Variants in RSU1 observed in about 807,000 individuals in gnomAD.
The protein encoded by RSU1 is rsu-1.
In RSU1, 26 loss-of-function variants were observed where a neutral mutation model predicts 31.1. The ratio of observed to expected loss-of-function variants is 0.84; its 90% CI spans 0.61 to 1.16. RSU1 has a LOEUF of 1.16. Among genes scored for constraint, RSU1 ranks in the 50% most tolerant of loss-of-function variants. The pLI is 0.00. For synonymous variants in RSU1, 164 were observed against 136.3 expected, an observed-to-expected ratio of 1.20 and a Z score of -1.41; for missense variants, 320 against 339.1, an observed-to-expected ratio of 0.94 and a Z score of 0.44.
chr10:16,631,419 C>T (rs867193372), intron 8 of RSU1, among the ~76,000 whole-genome samples: 6 of 152,258 alleles, frequency 3.9e-5, no homozygotes, highest in Admixed American at 6.5e-5. Context: ...ATCAGAACCT[C>T]GGCTGTGTGT....
chr10:16,778,087 C>A (rs530698837), intron 3 of RSU1, among the ~76,000 whole-genome samples: 1 of 140,042 alleles, frequency 7.1e-6, no homozygotes, highest in African/African-American at 2.7e-5. Flanking sequence ...GTAGTACAAT[C>A]ACAGCTCACT....
chr10:16,704,549 G>A (rs1385867620), intron 7 of RSU1, among the ~76,000 whole-genome samples: 1 of 152,136 alleles, frequency 6.6e-6, no homozygotes, highest in East Asian at 1.9e-4. Flanking sequence ...AATATTGTTG[G>A]TATAATCAAT....
chr10:16,672,152 A>T lies in RSU1; in HGVS notation c.731+22871T>A, dbSNP rs1370877095. 1.1e-3 allele frequency among the ~76,000 whole-genome samples: 171 copies of T among 150,870 alleles called. 1 individual carries two copies. The highest frequency in any genetic ancestry group is 3.8e-3 in the African/African-American group (157 of 41,256). ...TCTCTACTAAAAATACAAAAAAAAA[A>T]AAAAAAAATTAGCCAGGCGTGGTGG... On this transcript the variant is annotated intron_variant, in intron 8 of 8. Transcript: ENST00000345264.
intron 2 of RSU1, among the ~76,000 whole-genome samples, chr10:16,799,761 A>G (rs899215607): frequency 6.6e-6 from 1 of 152,204 alleles, no homozygotes; most frequent in African/African-American, 2.4e-5. Flanking sequence ...GATTTACCAG[A>G]GCCTGACCAA....
At chr10:16,795,672 C>A (rs191597061) in intron 2 of RSU1, among the ~76,000 whole-genome samples, 1 of 152,140 alleles carries the variant, frequency 6.6e-6, no homozygotes, top group Non-Finnish European at 1.5e-5. Flanking sequence ...AATATGCCAC[C>A]GGTTGCATCC....
rs528828419 is a variant in RSU1 at position 16,807,441 on chromosome 10, A to C, written c.109+9532T>G. ...CCCCAACACAATCTTTTCCAGCCCC[A>C]TACTTTGTAGTGTTTTAAGCTAATG... is the stretch of plus-strand genomic sequence containing the variant. On this transcript the variant is annotated intron_variant, in intron 2 of 8. Coordinates refer to ENST00000345264, the MANE Select transcript of RSU1 (RefSeq NM_012425.4). 1.2e-4 allele frequency among the ~76,000 whole-genome samples: 19 copies of C among 152,308 alleles called. No individual in the cohort carries two copies. The South Asian group carries it at 3.7e-3, about 30-fold the overall frequency.
At chr10:16,781,494 C>T (rs3780970) in intron 3 of RSU1, among the ~76,000 whole-genome samples, 60,555 of 152,036 alleles carry the variant, frequency 0.4, 15,087 homozygotes, top group African/African-American at 0.72. Flanking sequence ...CTTTCCCTTT[C>T]GAGGAGGAAA....
intron 2 of RSU1, among the ~76,000 whole-genome samples, chr10:16,785,883 G>C (rs535858661): frequency 2.0e-5 from 3 of 152,220 alleles, no homozygotes; most frequent in South Asian, 4.1e-4. Flanking sequence ...AGGAGGACGG[G>C]TACTTTGACA....
intron 8 of RSU1, among the ~76,000 whole-genome samples, chr10:16,682,558 ACACACACACACACATG>A (rs1470931748): frequency 2.1e-4 from 31 of 148,368 alleles, no homozygotes; most frequent in African/African-American, 5.0e-4. Context: ...ACACACACAC[ACACACACACACACATG>A]CATGCATGTT....
At position 16,596,033 on chromosome 10, in the gene RSU1, C is replaced by T. The variant is rs563420239; in HGVS notation, c.732-2537G>A. Among the ~76,000 whole-genome samples, 4 of 152,196 alleles carry T rather than the reference C, an allele frequency of 2.6e-5. No homozygotes were observed. In the South Asian group the frequency reaches 8.3e-4, roughly 32 times the overall value. ...CCTATAGGGGCTCCCCCAACCTACACTTTTAAAAGGGTCACGGGTCCCCCT... is the reference window on the plus strand; with the variant it reads ...CCTATAGGGGCTCCCCCAACCTACATTTTTAAAAGGGTCACGGGTCCCCCT... On this transcript the variant is annotated intron_variant, in intron 8 of 8. Transcript: ENST00000345264.
chr10:16,685,164 C>T (rs1036764867), intron 8 of RSU1, among the ~76,000 whole-genome samples: 22 of 152,166 alleles, frequency 1.4e-4, no homozygotes, highest in African/African-American at 4.6e-4. Context: ...GCAAGAGAAT[C>T]GCTTGAACCT....
intron 7 of RSU1, among the ~76,000 whole-genome samples, chr10:16,733,678 T>A (rs748324649): frequency 6.6e-6 from 1 of 152,176 alleles, no homozygotes; most frequent in African/African-American, 2.4e-5. Flanking sequence ...CAAAAATTTT[T>A]GTGAAAGAAG....
chr10:16,624,007 G>A (rs1348844785), intron 8 of RSU1, among the ~76,000 whole-genome samples: 1 of 152,012 alleles, frequency 6.6e-6, no homozygotes, highest in Non-Finnish European at 1.5e-5. Flanking sequence ...ACCCAGTTCT[G>A]CTTCTCAGTC....
intron 3 of RSU1, among the ~76,000 whole-genome samples, chr10:16,777,951 A>C (rs1238395892): frequency 6.6e-6 from 1 of 151,434 alleles, no homozygotes; most frequent in Admixed American, 6.6e-5. Context: ...ATCACAGCCC[A>C]TCATTCCTTG....
intron 8 of RSU1, among the ~76,000 whole-genome samples, chr10:16,633,149 C>A (rs1423309002): frequency 6.6e-6 from 1 of 152,040 alleles, no homozygotes; most frequent in Admixed American, 6.5e-5. Flanking sequence ...TCAATAGCAC[C>A]CCCACACCAG....
At chr10:16,749,033 T>C in intron 7 of RSU1, among the ~76,000 whole-genome samples, 1 of 152,124 alleles carries the variant, frequency 6.6e-6, no homozygotes, top group Non-Finnish European at 1.5e-5. Context: ...AAGTGACTCT[T>C]ACTTTACCGG....
In RSU1 at chr10:16,817,091, C is replaced by G; in HGVS notation, c.-3-7G>C. ...TCAGAGACTTGGACATGGTCTGCAC[C>G]GAACAACAACAAAGCACGTGGGCGA... is the stretch of plus-strand genomic sequence containing the variant. On this transcript the variant is annotated splice_polypyrimidine_tract_variant and splice_region_variant and intron_variant, in intron 1 of 8. Transcript: ENST00000345264. 1 of 1,593,396 alleles carries G rather than the reference C, an allele frequency of 6.3e-7. No homozygotes were observed. The highest frequency in any genetic ancestry group is 8.6e-7 in the Non-Finnish European group (1 of 1,161,020).
chr10:16,750,254 GT>G (rs1836948488), intron 7 of RSU1, among the ~76,000 whole-genome samples: 1 of 152,104 alleles, frequency 6.6e-6, no homozygotes, highest in Non-Finnish European at 1.5e-5. Context: ...AGTTTTGCTT[GT>G]GACAGTGACT....
At chr10:16,722,894 G>GCA (rs1564332561) in intron 7 of RSU1, among the ~76,000 whole-genome samples, 9 of 143,372 alleles carry the variant, frequency 6.3e-5, no homozygotes, top group South Asian at 2.3e-4. Flanking sequence ...ATACATATAT[G>GCA]TATATATACA....
Sources: gnomAD v4.1 joint callset for allele counts (sites outside exome capture counted in the v4.1 genomes callset) on GRCh38, gnomAD v4.1.1 for gene constraint, MANE v1.5 for transcripts, NCBI Gene and HGNC (gene_info 2026-07-23, HGNC 2026-07-21) for gene names.